SNW1: variants seen among roughly 807,000 people sequenced by gnomAD.
SNW1 encodes the protein SNW domain containing 1.
A neutral mutation model predicts 75.6 loss-of-function variants in SNW1; 9 were observed. The observed-to-expected ratio is 0.12, with a 90% confidence interval of 0.07 to 0.21. SNW1 has a LOEUF of 0.21. SNW1 is among the 10% of genes least tolerant of loss of function. The pLI is 1.00. For missense variants in SNW1, 409 were observed against 670.9 expected, an observed-to-expected ratio of 0.61 and a Z score of 4.31; for synonymous variants, 200 against 219.1, an observed-to-expected ratio of 0.91 and a Z score of 0.77.
chr14:77,751,134 A>G (rs2080804164), intron 3 of SNW1, among the ~76,000 whole-genome samples, 185 bp downstream of exon 3: 1 of 152,312 alleles, frequency 6.6e-6, no homozygotes, highest in Non-Finnish European at 1.5e-5. Flanking sequence ...TGTATCCTCA[A>G]ACTCTTGGGC....
intron 10 of SNW1, among the ~76,000 whole-genome samples, chr14:77,727,637 G>A (rs916121128): frequency 6.6e-6 from 1 of 152,172 alleles, no homozygotes; most frequent in Non-Finnish European, 1.5e-5. Context: ...AGTTTCTACT[G>A]AAATGATGCT....
At chr14:77,752,869 T>C (rs2080819035) in intron 2 of SNW1, among the ~76,000 whole-genome samples, 1 of 152,216 alleles carries the variant, frequency 6.6e-6, no homozygotes, top group African/African-American at 2.4e-5. Context: ...TTGAAGTTTT[T>C]GAAAACCAAG....
At chr14:77,753,670 G>C (rs1266902354) in intron 2 of SNW1, among the ~76,000 whole-genome samples, 1 of 152,020 alleles carries the variant, frequency 6.6e-6, no homozygotes, top group Non-Finnish European at 1.5e-5. Context: ...AAAGAGTGTG[G>C]GGCAGGCGCG....
chr14:77,735,766 C>G (rs2080666134), intron 7 of SNW1, among the ~76,000 whole-genome samples, 171 bp downstream of exon 7: 1 of 152,158 alleles, frequency 6.6e-6, no homozygotes, highest in Non-Finnish European at 1.5e-5. Flanking sequence ...AAACTTACAG[C>G]TAACATGTTA....
intron 11 of SNW1, among the ~76,000 whole-genome samples, chr14:77,721,389 T>C (rs751728892): frequency 3.9e-5 from 6 of 152,220 alleles, no homozygotes; most frequent in Non-Finnish European, 7.3e-5. Flanking sequence ...CCATGGTAAC[T>C]GTCATTACTT....
At chr14:77,757,034 A>G (rs913377347) in intron 1 of SNW1, among the ~76,000 whole-genome samples, 2 of 152,240 alleles carry the variant, frequency 1.3e-5, no homozygotes, top group Non-Finnish European at 2.9e-5. Flanking sequence ...ACTCCAAAGT[A>G]TTACAAAAGG....
At chr14:77,720,382 G>C in intron 12 of SNW1, 1 of 632,664 alleles carries the variant, frequency 1.6e-6, no homozygotes, top group Non-Finnish European at 2.8e-6. Context: ...TGATCTGCCC[G>C]CTTCGGCCTC....
chr14:77,734,655 T>C (rs2139907458), intron 8 of SNW1, among the ~76,000 whole-genome samples: 1 of 152,206 alleles, frequency 6.6e-6, no homozygotes, highest in Non-Finnish European at 1.5e-5. Flanking sequence ...GGGCAATCGC[T>C]TCAACCTGGG....
At chr14:77,736,942 G>A (rs1448834431) in intron 6 of SNW1, 29 bp downstream of exon 6, 2 of 1,446,896 alleles carry the variant, frequency 1.4e-6, no homozygotes, top group East Asian at 2.3e-5. Flanking sequence ...GTTATTGTGT[G>A]TATTAGTAGC....
At chr14:77,757,486 A>G (rs2080850499) in intron 1 of SNW1, among the ~76,000 whole-genome samples, 1 of 152,234 alleles carries the variant, frequency 6.6e-6, no homozygotes, top group Non-Finnish European at 1.5e-5. Context: ...ATTAAATGAG[A>G]GAAATCCATG....
chr14:77,721,219 A>C (rs970549579), intron 11 of SNW1: 5 of 156,768 alleles, frequency 3.2e-5, no homozygotes, highest in African/African-American at 1.2e-4. Context: ...ATTTTAAATA[A>C]GCTAGAAACA....
chr14:77,757,617 G>A (rs2080851576), intron 1 of SNW1, among the ~76,000 whole-genome samples: 2 of 152,010 alleles, frequency 1.3e-5, no homozygotes, highest in Non-Finnish European at 1.5e-5. Context: ...CCCCCAAAAC[G>A]CTCTACATAC....
At chr14:77,759,929 C>T (rs995140921) in intron 1 of SNW1, among the ~76,000 whole-genome samples, 3 of 151,596 alleles carry the variant, frequency 2.0e-5, no homozygotes, top group African/African-American at 7.3e-5. Context: ...ACCAACCTGG[C>T]CAACACAGCG....
chr14:77,740,293 T>G (rs973846798), intron 3 of SNW1, among the ~76,000 whole-genome samples: 1 of 151,992 alleles, frequency 6.6e-6, no homozygotes, highest in African/African-American at 2.4e-5. Flanking sequence ...GCACTTGAGA[T>G]CTCCAGAATT....
chr14:77,760,562 T>TA lies in SNW1; in HGVS notation c.14+551dup. 3 of 668,570 alleles carry TA rather than the reference T, an allele frequency of 4.5e-6. No individual in the cohort carries two copies. The South Asian group carries it at 4.6e-5, about 10-fold the overall frequency. 41.4% of individuals were successfully genotyped at this position (668,570 alleles called of 1,614,324 possible). A position where few individuals can be genotyped will look rare whatever the true frequency, so the allele number is the denominator to read the frequency against. ...CGGAAGAAATTCTAAGCTCCAAAGT[T>TA]AAAATGCGGAGCAGTGGCGCATATC... is the stretch of plus-strand genomic sequence containing the variant. On this transcript the variant is annotated intron_variant, in intron 1 of 13. Coordinates refer to ENST00000261531, the MANE Select transcript of SNW1 (RefSeq NM_012245.3).
At chr14:77,726,600 A>G (rs2080586604) in intron 10 of SNW1, among the ~76,000 whole-genome samples, 2 of 152,110 alleles carry the variant, frequency 1.3e-5, no homozygotes, top group South Asian at 4.1e-4. Context: ...CAGGCAGATC[A>G]CCTGAGGTCT....
intron 1 of SNW1, among the ~76,000 whole-genome samples, chr14:77,758,295 G>A (rs111240591): frequency 0.13 from 16,923 of 134,304 alleles, 1,315 homozygotes; most frequent in African/African-American, 0.23. Context: ...TCCAGCCTGG[G>A]TGAGAGTGAG....
At chr14:77,735,075 T>A in intron 7 of SNW1, 63 bp from the exon 8 acceptor site, 1 of 1,226,798 alleles carries the variant, frequency 8.2e-7, no homozygotes, top group Non-Finnish European at 1.2e-6. Flanking sequence ...AATCTAAGTA[T>A]AATCTTTATC....
chr14:77,757,818 C>G (rs1485084536), intron 1 of SNW1, among the ~76,000 whole-genome samples: 1 of 152,222 alleles, frequency 6.6e-6, no homozygotes, highest in Admixed American at 6.5e-5. Context: ...TTCCCCAGCA[C>G]TCACCATCTT....
Sources: gnomAD v4.1 joint callset for allele counts (sites outside exome capture counted in the v4.1 genomes callset) on GRCh38, gnomAD v4.1.1 for gene constraint, MANE v1.5 for transcripts, NCBI Gene and HGNC (gene_info 2026-07-23, HGNC 2026-07-21) for gene names.